GALK2: variants seen among roughly 807,000 people sequenced by gnomAD.
GALK2 encodes N-acetylgalactosamine kinase.
In GALK2, 36 loss-of-function variants were observed where a neutral mutation model predicts 52.4. The observed-to-expected ratio is 0.69, with a 90% confidence interval of 0.53 to 0.91. The LOEUF is 0.91. Ranked by LOEUF, GALK2 falls within the 40% of genes least tolerant of loss-of-function variation. The pLI, the probability that GALK2 is intolerant of heterozygous loss-of-function variation, is 0.00. For missense variants in GALK2, 579 were observed against 559.1 expected, an observed-to-expected ratio of 1.04 and a Z score of -0.36; for synonymous variants, 176 against 199.1, an observed-to-expected ratio of 0.88 and a Z score of 0.98.
At chr15:49,350,402 T>G (rs2042072799) in intron 3 of GALK2, among the ~76,000 whole-genome samples, 1 of 152,202 alleles carries the variant, frequency 6.6e-6, no homozygotes. Flanking sequence ...TTTCTTTAAA[T>G]TTTGCTCTAA....
intron 2 of GALK2, among the ~76,000 whole-genome samples, chr15:49,210,038 A>G (rs898838361): frequency 7.9e-5 from 12 of 151,950 alleles, no homozygotes; most frequent in African/African-American, 2.4e-4. Flanking sequence ...CAGGTTTTCT[A>G]TTTCTACCTG....
chr15:49,337,738 C>T (rs775983721), intron 3 of GALK2, among the ~76,000 whole-genome samples: 6 of 151,540 alleles, frequency 4.0e-5, no homozygotes, highest in Admixed American at 1.3e-4. Context: ...TCTCATTGTT[C>T]AATTCCCACT....
intron 1 of GALK2, among the ~76,000 whole-genome samples, chr15:49,159,173 G>A (rs2084558242): frequency 6.6e-6 from 1 of 152,108 alleles, no homozygotes; most frequent in Non-Finnish European, 1.5e-5. Context: ...CTCGTTGAAT[G>A]TACCCGTGCA....
chr15:49,269,214 A>G (rs2029971454), intron 5 of GALK2, among the ~76,000 whole-genome samples: 1 of 152,200 alleles, frequency 6.6e-6, no homozygotes, highest in Non-Finnish European at 1.5e-5. Flanking sequence ...TGGTTCTCCC[A>G]TGGTGTGTAG....
At chr15:49,210,747 ATTTTAT>A in intron 2 of GALK2, among the ~76,000 whole-genome samples, 1 of 151,560 alleles carries the variant, frequency 6.6e-6, no homozygotes. Flanking sequence ...GGTCTATTTT[ATTTTAT>A]TTTTAACTTT....
rs750823699 is a variant in GALK2, at chr15:49,327,978, T to A, written c.1196T>A (p.Leu399His). ...AAGTTTGGGGCTCAAGGGTCACGACTTACTGGAGCAGGATGGGGAGGCTGC... is the reference window on the plus strand; with the variant it reads ...AAGTTTGGGGCTCAAGGGTCACGACATACTGGAGCAGGATGGGGAGGCTGC... ...CRKFGAQGSR[L>H]TGAGWGGCTV... Residue 399 changes from leucine (L) to histidine (H), a missense_variant, in exon 10 of 10, where the codon CTT becomes CAT. Coordinates refer to ENST00000560031, the MANE Select transcript of GALK2 (RefSeq NM_002044.4). 1 of 1,613,714 alleles carries A rather than the reference T, an allele frequency of 6.2e-7. No homozygotes were observed. Among genetic ancestry groups the A allele is most frequent in the East Asian group, 2.2e-5 (1 of 44,888 alleles).
chr15:49,325,120 A>C (rs1317899595), intron 9 of GALK2, among the ~76,000 whole-genome samples: 2 of 152,120 alleles, frequency 1.3e-5, no homozygotes, highest in Non-Finnish European at 2.9e-5. Context: ...AAAAGTAGGA[A>C]ATTTGACTTT....
intron 3 of GALK2, among the ~76,000 whole-genome samples, chr15:49,353,145 G>A (rs2051092339): frequency 6.6e-6 from 1 of 152,116 alleles, no homozygotes; most frequent in African/African-American, 2.4e-5. Flanking sequence ...CTGATAGTGT[G>A]GAAAGTCAAA....
intron 7 of GALK2, 52 bp from the exon 8 acceptor site, chr15:49,292,275 A>G: frequency 6.7e-7 from 1 of 1,499,548 alleles, no homozygotes; most frequent in Non-Finnish European, 9.2e-7. Context: ...TTAAAATAGT[A>G]CACATCAAAT....
At chr15:49,240,024 T>C (rs1024267212) in intron 5 of GALK2, among the ~76,000 whole-genome samples, 6 of 152,196 alleles carry the variant, frequency 3.9e-5, no homozygotes, top group African/African-American at 1.4e-4. Context: ...GGTTTACGGA[T>C]GGTTTGGACA....
chr15:49,351,589 C>T (rs1157772725), intron 3 of GALK2, among the ~76,000 whole-genome samples: 1 of 152,126 alleles, frequency 6.6e-6, no homozygotes, highest in East Asian at 1.9e-4. Context: ...ATACACCGTC[C>T]CAAGTTGGGT....
At chr15:49,319,398 T>G (rs764468993) in intron 8 of GALK2, among the ~76,000 whole-genome samples, 32 of 152,180 alleles carry the variant, frequency 2.1e-4, no homozygotes, top group African/African-American at 7.5e-4. Context: ...GTTACAAGAT[T>G]TTATTCAGTA....
At chr15:49,347,829 G>C (rs1226738294) in intron 3 of GALK2, among the ~76,000 whole-genome samples, 3 of 151,954 alleles carry the variant, frequency 2.0e-5, no homozygotes, top group African/African-American at 7.2e-5. Context: ...GACCAGCCTG[G>C]CCAACATGGT....
downstream of GALK2, among the ~76,000 whole-genome samples, chr15:49,333,984 T>C (rs928404017): frequency 1.2e-4 from 19 of 152,320 alleles, no homozygotes; most frequent in African/African-American, 4.1e-4. Context: ...GGAAGGCTTA[T>C]AGGTTTATTT....
intron 3 of GALK2, among the ~76,000 whole-genome samples, chr15:49,354,296 G>A (rs1193162320): frequency 9.2e-5 from 14 of 152,202 alleles, no homozygotes; most frequent in African/African-American, 2.2e-4. Context: ...CGTGAGCGAC[G>A]CAGAAGACGG....
In GALK2 at chr15:49,324,400, C is replaced by CAAAA. The variant is rs56869664; in HGVS notation, c.1170-3542_1170-3539dup. 2.9e-4 allele frequency among the ~76,000 whole-genome samples: 27 copies of CAAAA among 93,438 alleles called. 1 individual carries two copies. The highest frequency in any genetic ancestry group is 1.9e-3 in the South Asian group (5 of 2,602). The allele number at this position is 93,438 out of a possible 152,430, so 61.3% of individuals were successfully genotyped here. A position where few individuals can be genotyped will look rare whatever the true frequency, so the allele number is the denominator to read the frequency against. ...TTAAGTGCTAACATGCATACCCTGT[C>CAAAA]AAAAAAAAAAAAAGAGGGAGGGAGC... is the stretch of plus-strand genomic sequence containing the variant. On this transcript the variant is annotated intron_variant, in intron 9 of 9. Coordinates refer to ENST00000560031, the MANE Select transcript of GALK2 (RefSeq NM_002044.4).
At chr15:49,257,672 C>T (rs1031742426) in intron 5 of GALK2, among the ~76,000 whole-genome samples, 3 of 151,948 alleles carry the variant, frequency 2.0e-5, no homozygotes, top group African/African-American at 4.8e-5. Flanking sequence ...AGTGAGAATA[C>T]AGTTTTCAAG....
chr15:49,272,798 G>A (rs1201407410), intron 5 of GALK2, among the ~76,000 whole-genome samples: 1 of 152,064 alleles, frequency 6.6e-6, no homozygotes, highest in Admixed American at 6.6e-5. Flanking sequence ...ATTCCCATGG[G>A]CCTAGGATCC....
At chr15:49,321,814 G>A (rs2036895427) in intron 9 of GALK2, among the ~76,000 whole-genome samples, 1 of 152,208 alleles carries the variant, frequency 6.6e-6, no homozygotes, top group South Asian at 2.1e-4. Context: ...GTACGTGTGT[G>A]TTTGTAACCT....
Sources: allele counts gnomAD v4.1 joint callset (sites outside exome capture counted in the v4.1 genomes callset), GRCh38; gene constraint gnomAD v4.1.1; transcripts MANE v1.5; gene names NCBI Gene and HGNC (gene_info 2026-07-23, HGNC 2026-07-21).